The following AFG2A variants were observed in gnomAD, a reference collection of about 807,000 sequenced individuals.
The protein encoded by AFG2A is ATPase family gene 2 protein homolog A.
the AFG2A span, chr4:122,947,121 G>A: frequency 1.0e-6 from 1 of 992,850 alleles, no homozygotes; most frequent in South Asian, 2.4e-5. Context: ...ATAGGACTTA[G>A]TAGCCTGGAC....
At chr4:123,184,740 T>G in the AFG2A span, among the ~76,000 whole-genome samples, 8 of 151,148 alleles carry the variant, frequency 5.3e-5, no homozygotes, top group Non-Finnish European at 5.9e-5. Context: ...GTTTCACCGT[T>G]TTAGCCGGGA....
At chr4:122,999,881 C>G in the AFG2A span, among the ~76,000 whole-genome samples, 1 of 151,922 alleles carries the variant, frequency 6.6e-6, no homozygotes, top group Non-Finnish European at 1.5e-5. Context: ...GGCATTGAAT[C>G]TATAAATTAC....
the AFG2A span, among the ~76,000 whole-genome samples, chr4:122,945,630 G>A: frequency 6.6e-6 from 1 of 152,112 alleles, no homozygotes; most frequent in Non-Finnish European, 1.5e-5. Flanking sequence ...GCTTCGGCTC[G>A]CACACGGTGC....
chr4:123,035,082 C>A, the AFG2A span, among the ~76,000 whole-genome samples: 1 of 152,186 alleles, frequency 6.6e-6, no homozygotes, highest in Admixed American at 6.5e-5. Flanking sequence ...CTGCCCTGAA[C>A]TTGCCTGTTT....
chr4:123,214,581 TA>T, the AFG2A span, among the ~76,000 whole-genome samples: 5 of 151,632 alleles, frequency 3.3e-5, no homozygotes, highest in Non-Finnish European at 7.4e-5. Context: ...CCTAGAAATA[TA>T]AAAAAAATTA....
the AFG2A span, among the ~76,000 whole-genome samples, chr4:122,974,077 G>A: frequency 6.6e-6 from 1 of 152,108 alleles, no homozygotes; most frequent in Admixed American, 6.5e-5. Context: ...CAGAGGAGTG[G>A]AGATTTTATC....
chr4:122,930,098 A>C, the AFG2A span, among the ~76,000 whole-genome samples: 1 of 152,228 alleles, frequency 6.6e-6, no homozygotes, highest in Non-Finnish European at 1.5e-5. Flanking sequence ...AAGACTATGC[A>C]AGCAAAGAAC....
the AFG2A span, among the ~76,000 whole-genome samples, chr4:123,044,985 T>C: frequency 6.6e-6 from 1 of 152,106 alleles, no homozygotes; most frequent in African/African-American, 2.4e-5. Context: ...AATTCTTTTT[T>C]GTCTTCTTCT....
At chr4:123,066,977 G>T in the AFG2A span, among the ~76,000 whole-genome samples, 1 of 152,158 alleles carries the variant, frequency 6.6e-6, no homozygotes, top group African/African-American at 2.4e-5. Flanking sequence ...TCAAAGGCAT[G>T]AGATGAGTTT....
chr4:123,090,332 A>G, the AFG2A span, among the ~76,000 whole-genome samples: 3 of 152,124 alleles, frequency 2.0e-5, no homozygotes, highest in Non-Finnish European at 4.4e-5. Context: ...TTTATTTCTG[A>G]CATTTATTTA....
chr4:123,144,517 A>C, the AFG2A span, among the ~76,000 whole-genome samples: 2 of 152,094 alleles, frequency 1.3e-5, no homozygotes, highest in Non-Finnish European at 1.5e-5. Flanking sequence ...ATAATACTAT[A>C]AAGAGAGATG....
chr4:123,173,780 A>G, the AFG2A span, among the ~76,000 whole-genome samples: 2 of 152,202 alleles, frequency 1.3e-5, no homozygotes, highest in South Asian at 2.1e-4. Flanking sequence ...TAATTGTCTA[A>G]AAGTATGCTT....
the AFG2A span, among the ~76,000 whole-genome samples, chr4:123,240,652 T>C: frequency 1.3e-5 from 2 of 152,212 alleles, no homozygotes; most frequent in Non-Finnish European, 2.9e-5. Context: ...GGGAAATTTA[T>C]AGCACTAAAT....
the AFG2A span, among the ~76,000 whole-genome samples, chr4:123,283,282 A>G: frequency 8.3e-3 from 1,260 of 152,252 alleles, 24 homozygotes; most frequent in African/African-American, 0.029. Flanking sequence ...ATGGTTAGAT[A>G]TCATTTGACT....
chr4:123,246,088 C>G, the AFG2A span, among the ~76,000 whole-genome samples: 1 of 152,190 alleles, frequency 6.6e-6, no homozygotes, highest in African/African-American at 2.4e-5. Context: ...TGTTAAGATC[C>G]AGGTTTTAAT....
At chr4:122,923,623 A>G in the AFG2A span, among the ~76,000 whole-genome samples, 1 of 152,218 alleles carries the variant, frequency 6.6e-6, no homozygotes, top group Non-Finnish European at 1.5e-5. Context: ...AAAATTGTTC[A>G]TAACTAGCGA....
At chr4:123,131,466 A>T in the AFG2A span, among the ~76,000 whole-genome samples, 1 of 152,094 alleles carries the variant, frequency 6.6e-6, no homozygotes, top group African/African-American at 2.4e-5. Context: ...CATCATGGAA[A>T]ACAGAAAATC....
At chr4:122,967,312 A>G in the AFG2A span, among the ~76,000 whole-genome samples, 1 of 151,854 alleles carries the variant, frequency 6.6e-6, no homozygotes. Flanking sequence ...AAGTGGGAGG[A>G]TTGCTTGAGT....
the AFG2A span, among the ~76,000 whole-genome samples, chr4:123,012,792 A>G: frequency 2.0e-5 from 3 of 152,162 alleles, no homozygotes; most frequent in African/African-American, 7.2e-5. Context: ...GAGAGTAAAG[A>G]GGCCGCTTAC....
Sources: gnomAD v4.1 joint callset for allele counts (sites outside exome capture counted in the v4.1 genomes callset) on GRCh38, gnomAD v4.1.1 for gene constraint, MANE v1.5 for transcripts, NCBI Gene and HGNC (gene_info 2026-07-23, HGNC 2026-07-21) for gene names.